DAGLB: variants seen among roughly 807,000 people sequenced by gnomAD.
DAGLB encodes diacylglycerol lipase-beta.
Under a neutral mutation model 72.1 loss-of-function variants are expected in DAGLB, and 66 were observed. The observed-to-expected ratio is 0.92, with a 90% CI of 0.75 to 1.12. The LOEUF is 1.12. Ranked by LOEUF, DAGLB falls within the 50% of genes most tolerant of loss-of-function variation. The pLI is 0.00. For synonymous variants in DAGLB, 414 were observed against 359.5 expected (o/e 1.15, Z -1.71); for missense variants, 1,065 against 884.9 (o/e 1.20, Z -2.58).
At chr7:6,422,054 G>A (rs1005342614) in intron 8 of DAGLB, 9 of 601,572 alleles carry the variant, frequency 1.5e-5, no homozygotes, top group African/African-American at 3.7e-5. Context: ...CCTAAGACAC[G>A]CCCTGCGCCT....
At chr7:6,420,209 A>C (rs945491031) in intron 9 of DAGLB, among the ~76,000 whole-genome samples, 2 of 152,030 alleles carry the variant, frequency 1.3e-5, no homozygotes, top group African/African-American at 4.8e-5. Flanking sequence ...TGGGAGGCTG[A>C]GGTGGGTGGA....
chr7:6,432,794 G>T (rs1457087174), intron 5 of DAGLB, 43 bp downstream of exon 5: 1 of 1,589,728 alleles, frequency 6.3e-7, no homozygotes, highest in Non-Finnish European at 8.5e-7. Context: ...CCCACCAAAA[G>T]GTGTAAGTGT....
intron 13 of DAGLB, 48 bp downstream of exon 13, chr7:6,412,763 G>A (rs1364231880): frequency 6.4e-7 from 1 of 1,551,216 alleles, no homozygotes; most frequent in Admixed American, 1.9e-5. Flanking sequence ...AGGATCTCAG[G>A]GACAGGCCCC....
chr7:6,419,830 G>C (rs1342233143), intron 9 of DAGLB, among the ~76,000 whole-genome samples: 1 of 152,190 alleles, frequency 6.6e-6, no homozygotes, highest in Non-Finnish European at 1.5e-5. Context: ...GGAGTCTTTT[G>C]TGAACTGGCA....
chr7:6,412,056 A>T (rs971456486), intron 13 of DAGLB, among the ~76,000 whole-genome samples: 2 of 152,034 alleles, frequency 1.3e-5, no homozygotes, highest in Non-Finnish European at 2.9e-5. Context: ...CTGGGATTAC[A>T]GGCACTCACC....
At chr7:6,415,017 T>G (rs1783856492) in intron 11 of DAGLB, among the ~76,000 whole-genome samples, 1 of 151,862 alleles carries the variant, frequency 6.6e-6, no homozygotes, top group Non-Finnish European at 1.5e-5. Flanking sequence ...AAAAATTAGC[T>G]GGATGTGGTG....
At chr7:6,440,393 A>C (rs1784792065) in intron 2 of DAGLB, among the ~76,000 whole-genome samples, 1 of 152,102 alleles carries the variant, frequency 6.6e-6, no homozygotes, top group Non-Finnish European at 1.5e-5. Flanking sequence ...CTCCAAAAAA[A>C]AAAAAAAAGT....
chr7:6,446,616 G>C (rs1375906205), intron 1 of DAGLB, among the ~76,000 whole-genome samples: 1 of 150,630 alleles, frequency 6.6e-6, no homozygotes, highest in Non-Finnish European at 1.5e-5. Flanking sequence ...GACTGGTCTT[G>C]AACTCCTGGC....
chr7:6,420,598 G>A (rs1008122883), intron 9 of DAGLB, among the ~76,000 whole-genome samples: 4 of 152,170 alleles, frequency 2.6e-5, no homozygotes, highest in South Asian at 4.1e-4. Context: ...GTGGTGATGG[G>A]TTCAGAGCTT....
intron 7 of DAGLB, among the ~76,000 whole-genome samples, chr7:6,425,614 C>G (rs113725492): frequency 1.3e-3 from 196 of 152,280 alleles, no homozygotes; most frequent in African/African-American, 4.3e-3. Context: ...AGTGACCCCC[C>G]CAGAGTGCCA....
chr7:6,433,793 G>T (rs960759813), intron 4 of DAGLB, among the ~76,000 whole-genome samples: 2 of 150,950 alleles, frequency 1.3e-5, no homozygotes, highest in Non-Finnish European at 2.9e-5. Flanking sequence ...GGAGGTGGAG[G>T]TTGTGCCAAG....
intron 5 of DAGLB, among the ~76,000 whole-genome samples, 174 bp from the exon 6 acceptor site, chr7:6,430,781 C>A (rs1488810078): frequency 5.9e-5 from 9 of 151,562 alleles, no homozygotes; most frequent in African/African-American, 2.2e-4. Flanking sequence ...ACATGGACTC[C>A]TCATTTTTTT....
Position 6,424,796 on chromosome 7 carries a change from T to G in DAGLB, c.1096A>C (p.Lys366Gln). The change falls in exon 8 of 15, where the codon AAA (lysine) becomes CAA (glutamine). Residue 366 changes from lysine (K) to glutamine (Q), a missense_variant. Transcript: ENST00000297056. ...CTCACAGCGACCACAACAGACTCTT[T>G]CCTGTGATCCAGAGCCACTAAAAAC... ...LPFLVALDHR[K>Q]ESVVVAVRGT... 6.2e-7 allele frequency: 1 copy of G among 1,613,784 alleles called. No individual in the cohort carries two copies. Among genetic ancestry groups the G allele is most frequent in the South Asian group, 1.1e-5 (1 of 91,072 alleles).
chr7:6,424,128 G>C (rs1375351778), intron 8 of DAGLB, among the ~76,000 whole-genome samples: 2 of 152,222 alleles, frequency 1.3e-5, no homozygotes, highest in African/African-American at 4.8e-5. Flanking sequence ...GAGAAGAACG[G>C]GAAGTGAGAC....
intron 7 of DAGLB, among the ~76,000 whole-genome samples, chr7:6,425,461 G>A (rs568110148): frequency 1.3e-5 from 2 of 152,210 alleles, no homozygotes; most frequent in African/African-American, 4.8e-5. Context: ...TAGTAGAGAT[G>A]GGGTTTCACC....
chr7:6,430,736 C>A (rs949792533), intron 5 of DAGLB, 129 bp from the exon 6 acceptor site: 1 of 1,082,562 alleles, frequency 9.2e-7, no homozygotes, highest in African/African-American at 1.6e-5. Flanking sequence ...AACTCTCAGA[C>A]GCCCACAGGC....
At position 6,410,029 on chromosome 7, in the gene DAGLB, GC is replaced by G; in HGVS notation, c.1826del (p.Gly609AlafsTer23). The G allele has an allele frequency of 6.2e-7, 1 of 1,612,934 alleles. No homozygotes were observed. Among genetic ancestry groups the G allele is most frequent in the Non-Finnish European group, 8.5e-7 (1 of 1,179,218 alleles). On this transcript the variant is annotated frameshift_variant, in exon 15 of 15. Transcript: ENST00000297056. LOFTEE classifies it low-confidence loss of function (END_TRUNC). ...LQEEGASGRF[G>X]CCSAAHYSAK... ...CGCTATAGTGAGCAGCAGAGCAGCAGCCAAACCTGAAGCAGAAAAGGAGAGA... is the reference window on the plus strand; with the variant it reads ...CGCTATAGTGAGCAGCAGAGCAGCAGCAAACCTGAAGCAGAAAAGGAGAGA...
At chr7:6,411,835 T>A (rs1403216216) in intron 13 of DAGLB, among the ~76,000 whole-genome samples, 1 of 152,218 alleles carries the variant, frequency 6.6e-6, no homozygotes, top group Non-Finnish European at 1.5e-5. Context: ...TTGTCCCCAC[T>A]CTCTGCCATG....
chr7:6,419,293 G>GCCCTGACAGCACTT (rs1784030664), intron 9 of DAGLB, among the ~76,000 whole-genome samples: 1 of 152,006 alleles, frequency 6.6e-6, no homozygotes, highest in South Asian at 2.1e-4. Flanking sequence ...ACTGCACCCG[G>GCCCTGACAGCACTT]CCCTGACAGC....
Sources: gnomAD v4.1 joint callset for allele counts (sites outside exome capture counted in the v4.1 genomes callset) on GRCh38, gnomAD v4.1.1 for gene constraint, MANE v1.5 for transcripts, NCBI Gene and HGNC (gene_info 2026-07-23, HGNC 2026-07-21) for gene names.